The following DOCK4 variants were observed in gnomAD, a reference collection of about 807,000 sequenced individuals.
The protein encoded by DOCK4 is dedicator of cytokinesis 4.
A neutral mutation model predicts 268.1 loss-of-function variants in DOCK4; 97 were observed. That is an observed-to-expected ratio of 0.36 (90% CI 0.31 to 0.43). The LOEUF is 0.43. Ranked by LOEUF, DOCK4 falls within the 20% of genes least tolerant of loss-of-function variation. DOCK4 has a pLI of 1.00. For synonymous variants in DOCK4, 954 were observed against 887.2 expected (o/e 1.08, Z -1.34); for missense variants, 2,145 against 2,455.7 (o/e 0.87, Z 2.67).
chr7:112,113,708 C>A (rs959547213), intron 1 of DOCK4, among the ~76,000 whole-genome samples: 2 of 137,794 alleles, frequency 1.5e-5, no homozygotes, highest in Non-Finnish European at 3.0e-5. Flanking sequence ...GCTGAGACTT[C>A]AGGCATGCAC....
chr7:112,181,962 C>G (rs1331632442), intron 1 of DOCK4, among the ~76,000 whole-genome samples: 1 of 152,174 alleles, frequency 6.6e-6, no homozygotes, highest in Non-Finnish European at 1.5e-5. Context: ...CCAGGAACCT[C>G]AACAATCACC....
intron 1 of DOCK4, among the ~76,000 whole-genome samples, chr7:112,101,047 G>A (rs1810631144): frequency 6.6e-6 from 1 of 152,164 alleles, no homozygotes. Context: ...AACAGAATCT[G>A]GGGGTGTGTT....
intron 1 of DOCK4, among the ~76,000 whole-genome samples, chr7:112,195,838 G>C (rs961948317): frequency 6.6e-6 from 1 of 152,136 alleles, no homozygotes. Context: ...CACAACTTGG[G>C]AGATAAGTTG....
chr7:111,857,014 C>T (rs1805066218), intron 23 of DOCK4, among the ~76,000 whole-genome samples: 1 of 152,124 alleles, frequency 6.6e-6, no homozygotes, highest in Non-Finnish European at 1.5e-5. Context: ...CAAGCCCTGG[C>T]TAGCAGAAAA....
At chr7:111,748,929 AAT>A (rs1796453648) in intron 42 of DOCK4, among the ~76,000 whole-genome samples, 1 of 152,178 alleles carries the variant, frequency 6.6e-6, no homozygotes, top group Non-Finnish European at 1.5e-5. Flanking sequence ...AACATGGAAA[AAT>A]ATTACACACA....
intron 1 of DOCK4, among the ~76,000 whole-genome samples, chr7:112,187,995 T>G (rs748444841): frequency 1.3e-5 from 2 of 152,242 alleles, no homozygotes; most frequent in Non-Finnish European, 2.9e-5. Context: ...TTAGTTAATT[T>G]ATTTAAATAA....
At chr7:112,191,964 A>G (rs956816719) in intron 1 of DOCK4, among the ~76,000 whole-genome samples, 6 of 148,298 alleles carry the variant, frequency 4.0e-5, no homozygotes, top group Non-Finnish European at 8.9e-5. Context: ...TATAATATAT[A>G]TTATAATTAT....
intron 8 of DOCK4, among the ~76,000 whole-genome samples, chr7:111,964,607 T>C (rs1430251501): frequency 2.2e-5 from 3 of 136,330 alleles, no homozygotes; most frequent in African/African-American, 8.9e-5. Context: ...ATGGGGAGAA[T>C]GGAACCAAGT....
At chr7:112,201,439 G>T (rs892951025) in intron 1 of DOCK4, among the ~76,000 whole-genome samples, 3 of 152,014 alleles carry the variant, frequency 2.0e-5, no homozygotes, top group Non-Finnish European at 2.9e-5. Context: ...TTTCTGCACC[G>T]ATCAATCCAG....
chr7:112,048,585 C>A (rs1022602957), intron 1 of DOCK4, among the ~76,000 whole-genome samples: 1 of 150,250 alleles, frequency 6.7e-6, no homozygotes, highest in Non-Finnish European at 1.5e-5. Context: ...AAAAACAAAA[C>A]AAACAAACAA....
intron 1 of DOCK4, among the ~76,000 whole-genome samples, chr7:112,188,397 A>G (rs1819643145): frequency 6.6e-6 from 1 of 152,250 alleles, no homozygotes; most frequent in Non-Finnish European, 1.5e-5. Flanking sequence ...CCCTAAGAAG[A>G]TAAATGCTTT....
intron 12 of DOCK4, among the ~76,000 whole-genome samples, chr7:111,926,774 C>T (rs1246964348): frequency 2.0e-5 from 3 of 150,318 alleles, no homozygotes; most frequent in East Asian, 2.0e-4. Context: ...GCAGAGGTTG[C>T]AGTGAGCCGA....
intron 16 of DOCK4, among the ~76,000 whole-genome samples, chr7:111,881,648 C>T (rs919470241): frequency 1.3e-5 from 2 of 152,134 alleles, no homozygotes; most frequent in Admixed American, 1.3e-4. Context: ...TAGCACTGTT[C>T]ACAATAGCTA....
chr7:111,728,191 G>C lies in DOCK4; in HGVS notation c.*83C>G. 2 of 1,055,662 alleles carry C rather than the reference G, an allele frequency of 1.9e-6. No homozygotes were observed. Among genetic ancestry groups the C allele is most frequent in the Non-Finnish European group, 2.5e-6 (2 of 794,420 alleles). The allele number at this position is 1,055,662 out of a possible 1,614,324, so 65.4% of individuals were successfully genotyped here. On this transcript the variant is annotated 3_prime_UTR_variant, in exon 53 of 53. Coordinates refer to ENST00000428084, the MANE Select transcript of DOCK4 (RefSeq NM_001363540.2). ...CGAAGGAGCTGAGTAAGTTATTAAA[G>C]TGCCTACACTAAATGTCTTCTCATC...
intron 23 of DOCK4, among the ~76,000 whole-genome samples, chr7:111,856,032 C>T (rs893251721): frequency 6.6e-6 from 1 of 152,146 alleles, no homozygotes; most frequent in African/African-American, 2.4e-5. Flanking sequence ...TACAATGACT[C>T]CATCTGCTGG....
intron 17 of DOCK4, among the ~76,000 whole-genome samples, chr7:111,874,289 G>C (rs957475482): frequency 6.6e-6 from 1 of 152,124 alleles, no homozygotes; most frequent in Non-Finnish European, 1.5e-5. Flanking sequence ...GGGCCATCAG[G>C]ACCCTGCTCA....
At chr7:111,978,355 C>A (rs991732357) in intron 7 of DOCK4, among the ~76,000 whole-genome samples, 1 of 152,208 alleles carries the variant, frequency 6.6e-6, no homozygotes, top group African/African-American at 2.4e-5. Context: ...CCTTGGCCTC[C>A]AGAGTACTTG....
chr7:112,160,344 T>C (rs1817001565), intron 1 of DOCK4, among the ~76,000 whole-genome samples: 1 of 152,170 alleles, frequency 6.6e-6, no homozygotes, highest in East Asian at 1.9e-4. Context: ...AGAAGGCAAA[T>C]GTACACTCAC....
intron 1 of DOCK4, among the ~76,000 whole-genome samples, chr7:112,169,795 C>T (rs1320737682): frequency 6.6e-6 from 1 of 152,264 alleles, no homozygotes; most frequent in East Asian, 1.9e-4. Context: ...GGGAGGAGGG[C>T]GACAAATCAC....
Sources: allele counts gnomAD v4.1 joint callset (sites outside exome capture counted in the v4.1 genomes callset), GRCh38; gene constraint gnomAD v4.1.1; transcripts MANE v1.5; gene names NCBI Gene and HGNC (gene_info 2026-07-23, HGNC 2026-07-21).